Variants in SYN3 observed in about 807,000 individuals in gnomAD.
SYN3 encodes the protein synapsin-3.
SYN3 carries 35 observed loss-of-function variants against 65.8 expected under a neutral mutation model. The ratio of observed to expected loss-of-function variants is 0.53; its 90% CI spans 0.41 to 0.70. SYN3 has a LOEUF of 0.70. Among genes scored for constraint, SYN3 ranks in the 30% least tolerant of loss-of-function variants. The pLI, the probability that SYN3 is intolerant of heterozygous loss-of-function variation, is 0.00. For synonymous variants in SYN3, 270 were observed against 292.9 expected, an observed-to-expected ratio of 0.92 and a Z score of 0.80; for missense variants, 680 against 749.0, an observed-to-expected ratio of 0.91 and a Z score of 1.08.
At chr22:33,021,916 T>C (rs900446009) in intron 1 of SYN3, among the ~76,000 whole-genome samples, 12 of 151,998 alleles carry the variant, frequency 7.9e-5, no homozygotes, top group African/African-American at 2.7e-4. Flanking sequence ...GCCTAGCACA[T>C]AGTAGAGGTT....
chr22:33,039,454 C>A (rs1179090925), intron 1 of SYN3, among the ~76,000 whole-genome samples: 1 of 150,566 alleles, frequency 6.6e-6, no homozygotes, highest in Non-Finnish European at 1.5e-5. Flanking sequence ...TGGCTCACTG[C>A]AACCTCCGCC....
intron 7 of SYN3, among the ~76,000 whole-genome samples, chr22:32,581,260 C>T (rs1040002717): frequency 2.0e-5 from 3 of 152,184 alleles, no homozygotes; most frequent in Non-Finnish European, 2.9e-5. Context: ...CAGGCGCCCA[C>T]CACCACGCCC....
chr22:32,618,254 A>C (rs1368580295), intron 6 of SYN3, among the ~76,000 whole-genome samples: 1 of 152,126 alleles, frequency 6.6e-6, no homozygotes, highest in Admixed American at 6.5e-5. Flanking sequence ...CTCGTGTGAA[A>C]TTGTAGGAAA....
intron 1 of SYN3, among the ~76,000 whole-genome samples, chr22:33,015,827 A>G (rs2053453362): frequency 6.6e-6 from 1 of 150,998 alleles, no homozygotes; most frequent in Non-Finnish European, 1.5e-5. Context: ...TGAACATTTA[A>G]TAGGCAAATT....
intron 10 of SYN3, among the ~76,000 whole-genome samples, chr22:32,530,867 G>T (rs563137753): frequency 6.6e-6 from 1 of 151,908 alleles, no homozygotes; most frequent in Non-Finnish European, 1.5e-5. Flanking sequence ...TTAGCCGGGC[G>T]TGGTGGCAGG....
At chr22:32,617,406 G>A (rs1311287735) in intron 6 of SYN3, among the ~76,000 whole-genome samples, 2 of 152,058 alleles carry the variant, frequency 1.3e-5, no homozygotes. Context: ...ATGGGAATAC[G>A]GAGGCGCCTC....
rs531208367 is a variant in SYN3, at chr22:32,938,742, C to T, written c.370-7261G>A. ...AGGAGTTCAAGACGAGCCTGGCCAACGTGGCAAAACCTCGTCTCTACTAAA... is the reference window on the plus strand; with the variant it reads ...AGGAGTTCAAGACGAGCCTGGCCAATGTGGCAAAACCTCGTCTCTACTAAA... On this transcript the variant is annotated intron_variant, in intron 3 of 13. Transcript: ENST00000358763. 1.6e-4 allele frequency among the ~76,000 whole-genome samples: 24 copies of T among 152,072 alleles called. No homozygotes were observed. The East Asian group carries it at 3.5e-3, about 22-fold the overall frequency.
intron 4 of SYN3, among the ~76,000 whole-genome samples, chr22:32,907,383 C>G (rs2049930080): frequency 6.6e-6 from 1 of 152,182 alleles, no homozygotes; most frequent in Non-Finnish European, 1.5e-5. Flanking sequence ...ACCCCTACAG[C>G]ATGCAAACAC....
chr22:32,644,818 G>A (rs1328465115), intron 6 of SYN3, among the ~76,000 whole-genome samples: 1 of 152,132 alleles, frequency 6.6e-6, no homozygotes, highest in Non-Finnish European at 1.5e-5. Flanking sequence ...CCAGTGCTGT[G>A]GCCTTGGTGG....
chr22:32,569,533 ATCAATCTCTC>A (rs1210210727), intron 7 of SYN3, among the ~76,000 whole-genome samples: 32 of 93,892 alleles, frequency 3.4e-4, no homozygotes, highest in Admixed American at 6.0e-4. Context: ...TCTAAAATCA[ATCAATCTCTC>A]TCTCTCTCTC....
chr22:33,045,441 A>C (rs1465905963), intron 1 of SYN3, among the ~76,000 whole-genome samples: 2 of 143,526 alleles, frequency 1.4e-5, no homozygotes, highest in Admixed American at 7.0e-5. Flanking sequence ...TCATTCATCA[A>C]CCAGGTGGCT....
chr22:32,869,367 T>TCTCTCA lies in SYN3; in HGVS notation c.462-243_462-242insTGAGAG, dbSNP rs61464794. On this transcript the variant is annotated intron_variant, in intron 4 of 13. Coordinates refer to ENST00000358763, the MANE Select transcript of SYN3 (RefSeq NM_003490.4). ...CTCTCTCTCTCTCTCTCTCTCTCTC[T>TCTCTCA]CACAGGCTCTTTCCTAAATTCCCTG... 7.3e-3 allele frequency among the ~76,000 whole-genome samples: 1,039 copies of TCTCTCA among 142,446 alleles called. 11 individuals carry two copies. The highest frequency in any genetic ancestry group is 0.025 in the East Asian group (114 of 4,582). The allele number at this position is 142,446 out of a possible 152,430, so 93.5% of individuals were successfully genotyped here.
intron 5 of SYN3, among the ~76,000 whole-genome samples, chr22:32,867,673 C>T (rs1385324314): frequency 6.6e-6 from 1 of 152,184 alleles, no homozygotes; most frequent in East Asian, 1.9e-4. Context: ...ACCTCCACCT[C>T]CTGGGTTCAA....
At chr22:32,963,889 T>C (rs2051739475) in intron 3 of SYN3, among the ~76,000 whole-genome samples, 1 of 152,172 alleles carries the variant, frequency 6.6e-6, no homozygotes, top group South Asian at 2.1e-4. Flanking sequence ...TTCTGTCCAA[T>C]GAATGCAAAG....
At position 32,510,931 on chromosome 22, in the gene SYN3, G is replaced by A. The variant is rs550693507; in HGVS notation, c.*2761C>T. On this transcript the variant is annotated 3_prime_UTR_variant, in exon 14 of 14. Coordinates refer to ENST00000358763, the MANE Select transcript of SYN3 (RefSeq NM_003490.4). ...TATCAGAGAACTATGAACTCATAGCGAGGTGACAGGATTTTAGGATGTGCA... is the reference window on the plus strand; with the variant it reads ...TATCAGAGAACTATGAACTCATAGCAAGGTGACAGGATTTTAGGATGTGCA... Among the ~76,000 whole-genome samples, 6 of 151,604 alleles carry A rather than the reference G, an allele frequency of 4.0e-5. No individual in the cohort carries two copies. Among genetic ancestry groups the A allele is most frequent in the African/African-American group, 1.2e-4 (5 of 41,228 alleles).
At chr22:32,538,153 C>T (rs2239764) in intron 8 of SYN3, 43 bp from the exon 9 acceptor site, 49,109 of 1,565,900 alleles carry the variant, frequency 0.031, 1,103 homozygotes, top group East Asian at 0.1. Context: ...TAGGGACCCT[C>T]GTCACTGATC....
chr22:32,539,933 G>C (rs2058227133), intron 8 of SYN3, among the ~76,000 whole-genome samples: 1 of 152,216 alleles, frequency 6.6e-6, no homozygotes, highest in South Asian at 2.1e-4. Flanking sequence ...GGGCAGGGAG[G>C]AGGTGATTTT....
At chr22:32,933,084 T>A (rs1432810539) in intron 3 of SYN3, among the ~76,000 whole-genome samples, 1 of 152,216 alleles carries the variant, frequency 6.6e-6, no homozygotes, top group East Asian at 1.9e-4. Context: ...AGTCACATTC[T>A]ACTGTGGGTT....
chr22:33,028,723 A>G (rs1288025934), intron 1 of SYN3, among the ~76,000 whole-genome samples: 11 of 133,182 alleles, frequency 8.3e-5, no homozygotes, highest in Non-Finnish European at 1.5e-4. Flanking sequence ...TGGGGTTGCT[A>G]CCATTAACTG....
Sources: gnomAD v4.1 joint callset for allele counts (sites outside exome capture counted in the v4.1 genomes callset) on GRCh38, gnomAD v4.1.1 for gene constraint, MANE v1.5 for transcripts, NCBI Gene and HGNC (gene_info 2026-07-23, HGNC 2026-07-21) for gene names.